RALGPS1: variants seen among roughly 807,000 people sequenced by gnomAD.
The protein encoded by RALGPS1 is Ral GEF with PH domain and SH3 binding motif 1.
In RALGPS1, 19 loss-of-function variants were observed where a neutral mutation model predicts 78.8. That is an observed-to-expected ratio of 0.24 (90% confidence interval 0.17 to 0.35). The LOEUF (loss-of-function observed/expected upper bound fraction) is 0.35, where lower values mean the gene tolerates loss of function less well. Ranked by LOEUF, RALGPS1 falls within the 10% of genes least tolerant of loss-of-function variation. RALGPS1 has a pLI of 1.00. For synonymous variants in RALGPS1, 228 were observed against 256.3 expected, an observed-to-expected ratio of 0.89 and a Z score of 1.06; for missense variants, 454 against 688.3, an observed-to-expected ratio of 0.66 and a Z score of 3.81.
Position 127,050,180 on chromosome 9 carries a change from C to T in RALGPS1, c.390+48C>T. ...TCCTTCCTTTCCCTCTTCTCTCCCA[C>T]ACCTCCTCCCCAAAAATATGTTTCC... is the stretch of plus-strand genomic sequence containing the variant. On this transcript the variant is annotated intron_variant, in intron 6 of 18. Coordinates refer to ENST00000259351, the MANE Select transcript of RALGPS1 (RefSeq NM_014636.3). 3 of 1,388,572 alleles carry T rather than the reference C, an allele frequency of 2.2e-6. No homozygotes were observed. The South Asian group carries it at 3.5e-5, about 16-fold the overall frequency. The allele number at this position is 1,388,572 out of a possible 1,614,324, so 86.0% of individuals were successfully genotyped here.
At chr9:127,137,531 C>T (rs2057483905) in intron 8 of RALGPS1, among the ~76,000 whole-genome samples, 1 of 152,242 alleles carries the variant, frequency 6.6e-6, no homozygotes, top group Non-Finnish European at 1.5e-5. Context: ...TCCACCCTGC[C>T]AGTGGGGCTG....
intron 11 of RALGPS1, among the ~76,000 whole-genome samples, chr9:127,176,354 C>T (rs1483810058): frequency 6.6e-6 from 1 of 152,140 alleles, no homozygotes; most frequent in East Asian, 1.9e-4. Context: ...AACACCTTCC[C>T]CCTCGGTCAG....
At chr9:127,108,089 G>A in intron 8 of RALGPS1, 1 of 1,611,564 alleles carries the variant, frequency 6.2e-7, no homozygotes, top group Middle Eastern at 1.7e-4. Flanking sequence ...GGGGGTGGCT[G>A]GGGGACGGGC....
At chr9:127,156,661 T>G (rs1023384644) in intron 8 of RALGPS1, among the ~76,000 whole-genome samples, 1 of 152,146 alleles carries the variant, frequency 6.6e-6, no homozygotes, top group African/African-American at 2.4e-5. Context: ...ATTGCAAATA[T>G]TTTTCCTATT....
chr9:127,167,775 C>A (rs890685907), intron 9 of RALGPS1, among the ~76,000 whole-genome samples: 1 of 152,226 alleles, frequency 6.6e-6, no homozygotes, highest in Non-Finnish European at 1.5e-5. Context: ...AAGCGAGGGT[C>A]CTTCCTCGCC....
intron 11 of RALGPS1, among the ~76,000 whole-genome samples, chr9:127,185,228 G>A (rs79981370): frequency 2.0e-5 from 3 of 152,234 alleles, no homozygotes; most frequent in Non-Finnish European, 4.4e-5. Flanking sequence ...GTACACATCT[G>A]AATGCATCAG....
At chr9:127,050,200 G>C in intron 6 of RALGPS1, 68 bp downstream of exon 6, 1 of 1,276,398 alleles carries the variant, frequency 7.8e-7, no homozygotes, top group Non-Finnish European at 1.1e-6. Context: ...CCAAAAATAT[G>C]TTTCCTCAGT....
chr9:127,025,132 C>T (rs1207760910), intron 4 of RALGPS1, among the ~76,000 whole-genome samples: 1 of 152,202 alleles, frequency 6.6e-6, no homozygotes, highest in Non-Finnish European at 1.5e-5. Flanking sequence ...TCCAGAATGT[C>T]ATGTAAGTCA....
intron 8 of RALGPS1, among the ~76,000 whole-genome samples, chr9:127,142,670 A>G (rs1042452741): frequency 6.6e-6 from 1 of 152,250 alleles, no homozygotes; most frequent in African/African-American, 2.4e-5. Context: ...CTCAGAGCAC[A>G]CAATGATCAG....
intron 8 of RALGPS1, among the ~76,000 whole-genome samples, chr9:127,147,633 G>A (rs929205627): frequency 1.3e-5 from 2 of 152,316 alleles, no homozygotes; most frequent in South Asian, 2.1e-4. Context: ...ATTGAGTAGC[G>A]AGTCCTTTTC....
intron 8 of RALGPS1, among the ~76,000 whole-genome samples, chr9:127,136,171 G>T (rs887222042): frequency 6.6e-6 from 1 of 152,180 alleles, no homozygotes; most frequent in Non-Finnish European, 1.5e-5. Context: ...ATGCCCGAAG[G>T]CCCAGGGTTA....
chr9:127,071,376 C>A (rs2050187886), intron 8 of RALGPS1, among the ~76,000 whole-genome samples: 1 of 152,036 alleles, frequency 6.6e-6, no homozygotes. Context: ...ATACATCTTG[C>A]AATTGATAAC....
In RALGPS1 at chr9:127,012,040, A is replaced by G. The variant is rs564352592; in HGVS notation, c.217-22391A>G. On this transcript the variant is annotated intron_variant, in intron 4 of 18. Transcript: ENST00000259351. Reference sequence around the variant, plus strand: ...TAGACGGGCAGACAGTCAGGGCCCAATTGCAGGGTGTGGAGGGCCCTGAAA... The same window carrying G: ...TAGACGGGCAGACAGTCAGGGCCCAGTTGCAGGGTGTGGAGGGCCCTGAAA... Among the ~76,000 whole-genome samples, 12 of 152,282 alleles carry G rather than the reference A, an allele frequency of 7.9e-5. No homozygotes were observed. The East Asian group carries it at 1.9e-3, about 25-fold the overall frequency.
At chr9:127,165,953 C>T in intron 8 of RALGPS1, 116 bp from the exon 9 acceptor site, 2 of 1,375,192 alleles carry the variant, frequency 1.5e-6, no homozygotes, top group South Asian at 3.3e-5. Flanking sequence ...CAAATATTAT[C>T]TCAGTTTTCC....
intron 8 of RALGPS1, among the ~76,000 whole-genome samples, chr9:127,105,137 G>T (rs1263271990): frequency 2.0e-5 from 3 of 152,178 alleles, no homozygotes; most frequent in African/African-American, 7.2e-5. Flanking sequence ...GCAGCGCCTT[G>T]TGTGGGAGCT....
At chr9:126,930,760 A>C (rs546649206) in intron 1 of RALGPS1, among the ~76,000 whole-genome samples, 1 of 152,352 alleles carries the variant, frequency 6.6e-6, no homozygotes, top group Admixed American at 6.5e-5. Flanking sequence ...CTCCTGGTCA[A>C]GATAGTTTTT....
Position 127,091,744 on chromosome 9 carries a change from T to A in RALGPS1, c.610+22388T>A. 6.2e-7 allele frequency: 1 copy of A among 1,614,144 alleles called. No homozygotes were observed. Among genetic ancestry groups the A allele is most frequent in the Non-Finnish European group, 8.5e-7 (1 of 1,180,026 alleles). ...GTGCCATGTAAAGGAGTCACCCGCA[T>A]TGCCATGGTAGCGCCCCAGCCGCAG... On this transcript the variant is annotated intron_variant, in intron 8 of 18. Coordinates refer to ENST00000259351, the MANE Select transcript of RALGPS1 (RefSeq NM_014636.3). This position sits in a 1 kb window ranked among gnomAD's most constrained non-coding sequence, Gnocchi z 4.3.
In RALGPS1 at chr9:127,151,358, AATTAC is replaced by A. The variant is rs2058412020; in HGVS notation, c.611-14710_611-14706del. ...TTGGGTCTTTATATCTAAGTACCAT[AATTAC>A]TAAGGGAAAATATCCTTCTTAAAAG... On this transcript the variant is annotated intron_variant, in intron 8 of 18. Coordinates refer to ENST00000259351, the MANE Select transcript of RALGPS1 (RefSeq NM_014636.3). Among the ~76,000 whole-genome samples the A allele has an allele frequency of 3.3e-5, 5 of 152,302 alleles. No homozygotes were observed. In the South Asian group the frequency reaches 1.0e-3, roughly 32 times the overall value.
intron 10 of RALGPS1, among the ~76,000 whole-genome samples, chr9:127,170,127 A>C (rs2059493303): frequency 6.6e-6 from 1 of 152,162 alleles, no homozygotes; most frequent in Admixed American, 6.5e-5. Context: ...CATGGTCTTC[A>C]TCTAAGTTCG....
Sources: allele counts gnomAD v4.1 joint callset (sites outside exome capture counted in the v4.1 genomes callset), GRCh38; gene constraint gnomAD v4.1.1; non-coding constraint Gnocchi (gnomAD v3.1); transcripts MANE v1.5; gene names NCBI Gene and HGNC (gene_info 2026-07-23, HGNC 2026-07-21).